The following TMEM117 variants were observed in gnomAD, a reference collection of about 807,000 sequenced individuals.
TMEM117 encodes transmembrane protein 117.
TMEM117 carries 27 observed loss-of-function variants against 52.4 expected under a neutral mutation model. The ratio of observed to expected loss-of-function variants is 0.51; its 90% CI spans 0.38 to 0.71. TMEM117 has a LOEUF of 0.71. Among genes scored for constraint, TMEM117 ranks in the 30% least tolerant of loss-of-function variants. TMEM117 has a pLI of 0.00. For synonymous variants in TMEM117, 215 were observed against 206.3 expected (o/e 1.04, Z -0.36); for missense variants, 556 against 630.5 (o/e 0.88, Z 1.26).
intron 3 of TMEM117, among the ~76,000 whole-genome samples, chr12:44,059,075 A>G (rs7956667): frequency 0.016 from 2,423 of 152,208 alleles, 47 homozygotes; most frequent in African/African-American, 0.055. Context: ...ACAGTTCACA[A>G]TGGGGTTCAT....
At chr12:44,298,337 C>G (rs1950794607) in intron 5 of TMEM117, among the ~76,000 whole-genome samples, 2 of 150,236 alleles carry the variant, frequency 1.3e-5, no homozygotes, top group African/African-American at 5.0e-5. Flanking sequence ...TATTTCACCT[C>G]TATGTTTTTT....
intron 5 of TMEM117, among the ~76,000 whole-genome samples, chr12:44,277,242 CCTT>C (rs1275984390): frequency 6.6e-6 from 1 of 151,992 alleles, no homozygotes; most frequent in East Asian, 1.9e-4. Context: ...TATAGGTAAT[CCTT>C]CTTAGTTGAT....
chr12:44,361,711 C>T (rs1017389521), intron 6 of TMEM117, among the ~76,000 whole-genome samples: 14 of 152,064 alleles, frequency 9.2e-5, no homozygotes, highest in African/African-American at 2.7e-4. Flanking sequence ...GAACACCACA[C>T]GGTAGTCTGT....
chr12:43,878,412 A>C (rs1436281808), intron 2 of TMEM117, among the ~76,000 whole-genome samples: 3 of 152,240 alleles, frequency 2.0e-5, no homozygotes, highest in Admixed American at 2.0e-4. Context: ...GGTCTGGTTC[A>C]TGTCAAACAA....
At chr12:43,888,942 A>G (rs1727207662) in intron 2 of TMEM117, among the ~76,000 whole-genome samples, 1 of 152,100 alleles carries the variant, frequency 6.6e-6, no homozygotes, top group African/African-American at 2.4e-5. Flanking sequence ...TAAGTTGCCC[A>G]AGGTAATGTT....
At chr12:43,813,007 CAA>C in the TMEM117 span, among the ~76,000 whole-genome samples, 2 of 142,944 alleles carry the variant, frequency 1.4e-5, no homozygotes, top group Admixed American at 7.0e-5. Context: ...ACCCTGTCTC[CAA>C]AAAAAAAAAG....
intron 4 of TMEM117, among the ~76,000 whole-genome samples, chr12:44,152,714 A>G (rs1192967151): frequency 7.4e-6 from 1 of 135,570 alleles, no homozygotes; most frequent in Non-Finnish European, 1.5e-5. Flanking sequence ...TATATATACT[A>G]TATATAATAT....
At chr12:44,258,288 C>T (rs1950282201) in intron 5 of TMEM117, among the ~76,000 whole-genome samples, 1 of 152,088 alleles carries the variant, frequency 6.6e-6, no homozygotes. Flanking sequence ...GACATTAGTT[C>T]CTCTTACCTC....
chr12:44,367,974 C>G (rs1951812675), intron 6 of TMEM117, among the ~76,000 whole-genome samples: 1 of 152,092 alleles, frequency 6.6e-6, no homozygotes, highest in African/African-American at 2.4e-5. Context: ...TTTTACCCCT[C>G]CTACAGTCAG....
intron 7 of TMEM117, 39 bp downstream of exon 7, chr12:44,376,763 A>T: frequency 6.4e-7 from 1 of 1,563,472 alleles, no homozygotes; most frequent in Non-Finnish European, 8.6e-7. Context: ...TTATCTTCGT[A>T]CATTAGTTAG....
intron 3 of TMEM117, among the ~76,000 whole-genome samples, chr12:43,945,003 TG>T (rs1353938681): frequency 6.6e-6 from 1 of 151,676 alleles, no homozygotes; most frequent in Non-Finnish European, 1.5e-5. Flanking sequence ...CCCAGCTACT[TG>T]GGAGGCTGAG....
At position 44,229,661 on chromosome 12, in the gene TMEM117, C is replaced by A. The variant is rs1492887; in HGVS notation, c.608+18274C>A. 2.3e-3 allele frequency among the ~76,000 whole-genome samples: 350 copies of A among 152,228 alleles called. 11 individuals are homozygous for A. The East Asian group carries it at 0.034, about 15-fold the overall frequency. ...TCTGGAAGACTTTCCCTCTCATTTG[C>A]CTCCTTGCTTTGTAAAGCTGATAGA... On this transcript the variant is annotated intron_variant, in intron 5 of 7. Transcript: ENST00000266534.
At chr12:44,182,542 G>A (rs988271331) in intron 4 of TMEM117, among the ~76,000 whole-genome samples, 2 of 152,112 alleles carry the variant, frequency 1.3e-5, no homozygotes, top group Non-Finnish European at 2.9e-5. Context: ...AGGTATTGAT[G>A]GGACGTATTT....
chr12:43,908,653 T>C (rs1354070712), intron 2 of TMEM117, among the ~76,000 whole-genome samples: 1 of 151,766 alleles, frequency 6.6e-6, no homozygotes, highest in Non-Finnish European at 1.5e-5. Flanking sequence ...GGGAGGAAGA[T>C]CTACCAAGCA....
chr12:44,197,740 C>G (rs1949440301), intron 4 of TMEM117, among the ~76,000 whole-genome samples: 1 of 152,140 alleles, frequency 6.6e-6, no homozygotes, highest in Non-Finnish European at 1.5e-5. Flanking sequence ...ATTCAGGTGT[C>G]TTTCTCTAAA....
chr12:44,071,193 T>A (rs1947296369), intron 3 of TMEM117, among the ~76,000 whole-genome samples: 2 of 152,164 alleles, frequency 1.3e-5, no homozygotes, highest in Admixed American at 1.3e-4. Context: ...TCCAAATAGC[T>A]CTGGGAGCAG....
chr12:44,383,808 A>G (rs1952052620), intron 7 of TMEM117, among the ~76,000 whole-genome samples: 1 of 152,072 alleles, frequency 6.6e-6, no homozygotes, highest in African/African-American at 2.4e-5. Flanking sequence ...CAGGGACTCA[A>G]ATTTATTTTT....
chr12:44,330,291 CTTTATTT>C (rs1951252335), intron 6 of TMEM117, among the ~76,000 whole-genome samples: 1 of 151,672 alleles, frequency 6.6e-6, no homozygotes, highest in East Asian at 1.9e-4. Context: ...AAAATAAAAC[CTTTATTT>C]CTAAGTTATT....
At chr12:43,858,280 C>T (rs571787341) in intron 2 of TMEM117, among the ~76,000 whole-genome samples, 200 of 152,320 alleles carry the variant, frequency 1.3e-3, no homozygotes, top group African/African-American at 4.6e-3. Flanking sequence ...CCCAGACAGG[C>T]GCCTTTTCAG....
Sources: gnomAD v4.1 joint callset for allele counts (sites outside exome capture counted in the v4.1 genomes callset) on GRCh38, gnomAD v4.1.1 for gene constraint, MANE v1.5 for transcripts, NCBI Gene and HGNC (gene_info 2026-07-23, HGNC 2026-07-21) for gene names.